Variants in CREM observed in about 807,000 individuals in gnomAD.
CREM encodes cAMP responsive element modulator, also known as cAMP-responsive element modulator.
CREM carries 13 observed loss-of-function variants against 37.3 expected under a neutral mutation model. That is an observed-to-expected ratio of 0.35 (90% confidence interval 0.23 to 0.55). CREM has a LOEUF of 0.55. CREM is among the 20% of genes least tolerant of loss of function. CREM has a pLI of 0.88. For missense variants in CREM, 296 were observed against 362.3 expected (o/e 0.82, Z 1.49); for synonymous variants, 124 against 120.2 (o/e 1.03, Z -0.21).
intron 2 of CREM, among the ~76,000 whole-genome samples, chr10:35,143,803 A>G (rs2091752334): frequency 1.3e-5 from 2 of 152,186 alleles, no homozygotes; most frequent in Non-Finnish European, 2.9e-5. Context: ...GGAACAAAGC[A>G]GATGGCCAGT....
chr10:35,133,136 C>T (rs989885222), intron 1 of CREM, among the ~76,000 whole-genome samples: 8 of 151,866 alleles, frequency 5.3e-5, no homozygotes, highest in Admixed American at 5.2e-4. Flanking sequence ...CTTTTTTAGC[C>T]TTTCTTTTAG....
intron 3 of CREM, among the ~76,000 whole-genome samples, chr10:35,158,809 GTTGTT>G (rs1014260104): frequency 1.3e-4 from 9 of 69,512 alleles, no homozygotes; most frequent in Non-Finnish European, 1.5e-4. Flanking sequence ...TTTTTTTTTT[GTTGTT>G]TTGTTTGTTT....
intron 6 of CREM, among the ~76,000 whole-genome samples, chr10:35,197,390 T>C (rs2095229672): frequency 1.3e-5 from 2 of 151,576 alleles, no homozygotes; most frequent in South Asian, 4.1e-4. Flanking sequence ...ATTTGAAAAA[T>C]GAGTAATAAA....
intron 6 of CREM, chr10:35,201,449 A>G: frequency 6.4e-7 from 1 of 1,551,682 alleles, no homozygotes; most frequent in East Asian, 2.4e-5. Context: ...CCCATTTTAC[A>G]GATGAGGAAA....
intron 2 of CREM, among the ~76,000 whole-genome samples, chr10:35,145,476 A>G (rs1030900361): frequency 6.6e-6 from 1 of 152,188 alleles, no homozygotes; most frequent in Admixed American, 6.5e-5. Context: ...GATCACATAT[A>G]TCACATGATT....
chr10:35,128,848 T>C (rs1426798690), intron 1 of CREM, among the ~76,000 whole-genome samples: 1 of 152,208 alleles, frequency 6.6e-6, no homozygotes, highest in African/African-American at 2.4e-5. Context: ...CTTGATTCTT[T>C]TTTTGGATAA....
Position 35,188,339 on chromosome 10 carries a change from T to C in CREM, c.549T>C (p.Ala183=), listed in dbSNP as rs757641392. 3 of 1,613,880 alleles carry C rather than the reference T, an allele frequency of 1.9e-6. No individual in the cohort carries two copies. Among genetic ancestry groups the C allele is most frequent in the Non-Finnish European group, 2.5e-6 (3 of 1,179,966 alleles). ...ATIVQYAAQS[A]DGTQQFFVPG... is the part of the protein sequence containing the mutation. ...TTGTACAGTACGCAGCACAATCAGC[T>C]GATGGCACACAGCAGTTCTTTGTCC... Residue 183 remains alanine (A), a synonymous_variant, in exon 6 of 8, where the codon GCT becomes GCC. Transcript: ENST00000685392.
chr10:35,145,630 A>C (rs2091987463), intron 2 of CREM, among the ~76,000 whole-genome samples: 1 of 151,928 alleles, frequency 6.6e-6, no homozygotes. Flanking sequence ...AAAATACAAA[A>C]TAGCTGGGCA....
At chr10:35,159,342 TAATTAAAACTG>T (rs1468216089) in intron 3 of CREM, among the ~76,000 whole-genome samples, 2 of 151,922 alleles carry the variant, frequency 1.3e-5, no homozygotes, top group Non-Finnish European at 2.9e-5. Flanking sequence ...AGAGCTATAG[TAATTAAAACTG>T]CATGGTACCA....
chr10:35,152,536 A>G (rs2092662534), intron 3 of CREM: 4 of 152,268 alleles, frequency 2.6e-5, no homozygotes, highest in Admixed American at 1.3e-4. Flanking sequence ...AACAAATCCT[A>G]GTACGGCAAA....
At chr10:35,168,375 G>T (rs1035640532) in intron 3 of CREM, among the ~76,000 whole-genome samples, 17 of 152,156 alleles carry the variant, frequency 1.1e-4, no homozygotes, top group Admixed American at 3.3e-4. Flanking sequence ...TCATGTGTCT[G>T]TTGGCTGCAT....
intron 6 of CREM, among the ~76,000 whole-genome samples, chr10:35,204,596 CA>C (rs397845623): frequency 0.23 from 20,448 of 89,472 alleles, 1,173 homozygotes; most frequent in Middle Eastern, 0.26. Flanking sequence ...AACTACGTCT[CA>C]AAAAAAAAAA....
intron 3 of CREM, among the ~76,000 whole-genome samples, chr10:35,163,704 C>T (rs1564848823): frequency 6.6e-6 from 1 of 151,978 alleles, no homozygotes; most frequent in Non-Finnish European, 1.5e-5. Context: ...ACCTGTAATC[C>T]CAGCTACTCG....
intron 7 of CREM, chr10:35,210,364 T>C (rs2095639046): frequency 1.3e-5 from 2 of 152,186 alleles, no homozygotes; most frequent in South Asian, 4.1e-4. Flanking sequence ...GCTCTATTTA[T>C]TGTTTTGGTG....
intron 6 of CREM, among the ~76,000 whole-genome samples, chr10:35,198,214 A>G (rs1448857486): frequency 6.6e-6 from 1 of 152,088 alleles, no homozygotes; most frequent in East Asian, 1.9e-4. Context: ...CTACAGGATC[A>G]TGAAGTGAAA....
intron 5 of CREM, among the ~76,000 whole-genome samples, chr10:35,187,153 A>ATTATATATTAATAT (rs1462171042): frequency 1.1e-4 from 6 of 54,366 alleles, no homozygotes; most frequent in African/African-American, 4.3e-4. Flanking sequence ...TATAATATAT[A>ATTATATATTAATAT]TAATATATAT....
chr10:35,204,124 C>T (rs2095459074), intron 6 of CREM, among the ~76,000 whole-genome samples: 1 of 152,158 alleles, frequency 6.6e-6, no homozygotes, highest in South Asian at 2.1e-4. Context: ...TCTGACAATA[C>T]GATGAAGATA....
intron 1 of CREM, among the ~76,000 whole-genome samples, chr10:35,132,421 C>G (rs1367413667): frequency 1.3e-5 from 2 of 152,000 alleles, no homozygotes; most frequent in Non-Finnish European, 2.9e-5. Flanking sequence ...AATAGCTAGT[C>G]CTTTAGTGAT....
In CREM at chr10:35,206,988, A is replaced by T. The variant is rs1351801207; in HGVS notation, c.692A>T (p.His231Leu). 6.2e-7 allele frequency: 1 copy of T among 1,614,034 alleles called. No homozygotes were observed. The change falls in exon 7 of 8, where the codon CAC (histidine) becomes CTC (leucine). Residue 231 changes from histidine to leucine, a missense_variant. Physicochemically the swap from His to Leu is moderately conservative, Grantham distance 99. Around this residue, in one of 2 missense-constraint regions of CREM, gnomAD observed 257 missense variants for 280.2 expected, o/e 0.92. Transcript: ENST00000685392. ...VVMAASPGSLHSPQQLAEEAT... is the reference protein window; with the variant it reads ...VVMAASPGSLLSPQQLAEEAT... The stretch of plus-strand genomic sequence containing the variant: ...ATGGCTGCATCGCCCGGAAGTTTGC[A>T]CAGTCCCCAGCAGCTGGCAGAAGAA...
Sources: allele counts gnomAD v4.1 joint callset (sites outside exome capture counted in the v4.1 genomes callset), GRCh38; gene constraint gnomAD v4.1.1; regional missense constraint gnomAD v4.1.1; transcripts MANE v1.5; gene names NCBI Gene and HGNC (gene_info 2026-07-23, HGNC 2026-07-21).